The following METTL15 variants were observed in gnomAD, a reference collection of about 807,000 sequenced individuals.
METTL15 encodes the protein methyltransferase 15, mitochondrial 12S rRNA N4-cytidine.
In METTL15, 34 loss-of-function variants were observed where a neutral mutation model predicts 38.3. The observed-to-expected ratio is 0.89, with a 90% confidence interval of 0.68 to 1.18. The LOEUF is 1.18. METTL15 is among the 50% of genes most tolerant of loss of function. The pLI is 0.00. For synonymous variants in METTL15, 162 were observed against 170.9 expected (o/e 0.95, Z 0.41); for missense variants, 438 against 498.4 (o/e 0.88, Z 1.15).
chr11:28,209,841 G>T (rs182174584), intron 3 of METTL15, among the ~76,000 whole-genome samples: 1 of 151,940 alleles, frequency 6.6e-6, no homozygotes, highest in East Asian at 1.9e-4. Flanking sequence ...AATTTCCCTT[G>T]TTATGTACTA....
chr11:28,203,654 A>G (rs1281505828), intron 3 of METTL15, among the ~76,000 whole-genome samples: 1 of 152,020 alleles, frequency 6.6e-6, no homozygotes, highest in East Asian at 1.9e-4. Flanking sequence ...TCATAAGTAA[A>G]AGGAGGGATT....
chr11:28,518,046 C>T (rs2133508202), intron 6 of METTL15, among the ~76,000 whole-genome samples: 1 of 152,248 alleles, frequency 6.6e-6, no homozygotes, highest in East Asian at 1.9e-4. Flanking sequence ...ATGTTCATGT[C>T]GTTAAGTGGT....
At chr11:28,356,916 G>A (rs1031552985) in intron 4 of METTL15, among the ~76,000 whole-genome samples, 1 of 152,106 alleles carries the variant, frequency 6.6e-6, no homozygotes, top group Non-Finnish European at 1.5e-5. Flanking sequence ...ACCTGGCTTG[G>A]CCCTGGCTGA....
intron 4 of METTL15, among the ~76,000 whole-genome samples, chr11:28,234,229 G>A (rs955787042): frequency 2.6e-5 from 4 of 151,960 alleles, no homozygotes; most frequent in Non-Finnish European, 5.9e-5. Flanking sequence ...GTTGGTTCCA[G>A]GTCTTTGCTA....
chr11:28,184,518 C>G (rs1851421258), intron 3 of METTL15, among the ~76,000 whole-genome samples: 1 of 151,884 alleles, frequency 6.6e-6, no homozygotes, highest in South Asian at 2.1e-4. Flanking sequence ...TCATTATTTA[C>G]CCAGTAGTCA....
chr11:28,383,176 TC>T (rs1358681715), intron 5 of METTL15, among the ~76,000 whole-genome samples: 1 of 152,082 alleles, frequency 6.6e-6, no homozygotes, highest in Non-Finnish European at 1.5e-5. Context: ...GTTCATGTGT[TC>T]TCATTGTTTA....
chr11:28,493,315 T>C (rs1459690754), intron 6 of METTL15, among the ~76,000 whole-genome samples: 1 of 152,182 alleles, frequency 6.6e-6, no homozygotes, highest in African/African-American at 2.4e-5. Context: ...ATATGGCCTC[T>C]GTTCTGTCAT....
chr11:28,473,158 A>T (rs1393197932), intron 6 of METTL15, among the ~76,000 whole-genome samples: 3 of 152,162 alleles, frequency 2.0e-5, no homozygotes. Flanking sequence ...GGCTGTGTGT[A>T]ACATAGACAG....
intron 4 of METTL15, among the ~76,000 whole-genome samples, chr11:28,224,901 T>C (rs1024088508): frequency 6.6e-6 from 1 of 151,762 alleles, no homozygotes; most frequent in Non-Finnish European, 1.5e-5. Flanking sequence ...TTATATATAT[T>C]TGATTTTGCC....
At chr11:28,169,653 A>C (rs1341458540) in intron 3 of METTL15, among the ~76,000 whole-genome samples, 2 of 151,986 alleles carry the variant, frequency 1.3e-5, no homozygotes, top group Non-Finnish European at 2.9e-5. Flanking sequence ...CATAGTAAAC[A>C]CTCCCGTTTC....
intron 4 of METTL15, among the ~76,000 whole-genome samples, chr11:28,272,192 A>G (rs548415823): frequency 2.6e-5 from 4 of 152,198 alleles, no homozygotes; most frequent in Non-Finnish European, 4.4e-5. Context: ...TAGAAATACC[A>G]TTTGACCCAG....
At chr11:28,450,439 C>A (rs540869561) in intron 6 of METTL15, among the ~76,000 whole-genome samples, 34 of 152,168 alleles carry the variant, frequency 2.2e-4, no homozygotes, top group Non-Finnish European at 4.7e-4. Context: ...TATGATAATA[C>A]TAATCTCACA....
At chr11:28,390,519 G>C (rs1250217481) in intron 5 of METTL15, among the ~76,000 whole-genome samples, 11 of 152,140 alleles carry the variant, frequency 7.2e-5, no homozygotes, top group African/African-American at 2.4e-4. Flanking sequence ...TCTCAGGTTT[G>C]TCAAAGATCA....
intron 4 of METTL15, among the ~76,000 whole-genome samples, chr11:28,218,074 GT>G (rs1300760111): frequency 6.6e-6 from 1 of 152,154 alleles, no homozygotes; most frequent in African/African-American, 2.4e-5. Context: ...CTTCAAAGTA[GT>G]TTTTTCCTAT....
At chr11:28,413,883 C>T (rs1002449143) in intron 5 of METTL15, among the ~76,000 whole-genome samples, 3 of 152,262 alleles carry the variant, frequency 2.0e-5, no homozygotes, top group African/African-American at 7.2e-5. Flanking sequence ...AGTCTTCTTG[C>T]TGTGGCAGAT....
intron 5 of METTL15, among the ~76,000 whole-genome samples, chr11:28,404,478 T>C (rs1850657533): frequency 6.6e-6 from 1 of 152,086 alleles, no homozygotes; most frequent in African/African-American, 2.4e-5. Flanking sequence ...TATCCTCACA[T>C]GGTGGAAGGG....
At position 28,240,502 on chromosome 11, in the gene METTL15, A is replaced by G. The variant is rs1854246679; in HGVS notation, c.407+29304A>G. Among the ~76,000 whole-genome samples, 5 of 152,154 alleles carry G rather than the reference A, an allele frequency of 3.3e-5. No homozygotes were observed. In the South Asian group the frequency reaches 1.0e-3, roughly 32 times the overall value. On this transcript the variant is annotated intron_variant, in intron 4 of 6. Transcript: ENST00000407364. The stretch of plus-strand genomic sequence containing the variant: ...TTGATCATCACATTGACTGTGTAGA[A>G]TATTAGGATTAAATGTACGATTAAG...
chr11:28,297,905 A>C (rs1326234301), intron 6 of METTL15, among the ~76,000 whole-genome samples: 1 of 152,114 alleles, frequency 6.6e-6, no homozygotes, highest in Non-Finnish European at 1.5e-5. Flanking sequence ...TAGTTTAAGA[A>C]GTAAAACTTA....
intron 4 of METTL15, among the ~76,000 whole-genome samples, chr11:28,216,011 G>T (rs988635772): frequency 1.3e-5 from 2 of 152,014 alleles, no homozygotes; most frequent in Non-Finnish European, 2.9e-5. Flanking sequence ...TCTCAAGATG[G>T]GTGGATGGAT....
Sources: allele counts gnomAD v4.1 joint callset (sites outside exome capture counted in the v4.1 genomes callset), GRCh38; gene constraint gnomAD v4.1.1; transcripts MANE v1.5; gene names NCBI Gene and HGNC (gene_info 2026-07-23, HGNC 2026-07-21).